The following EVL variants were observed in gnomAD, a reference collection of about 807,000 sequenced individuals.
The protein encoded by EVL is ena/VASP-like protein.
EVL carries 21 observed loss-of-function variants against 59.6 expected under a neutral mutation model. That is an observed-to-expected ratio of 0.35 (90% CI 0.25 to 0.51). EVL has a LOEUF of 0.51. Among genes scored for constraint, EVL ranks in the 20% least tolerant of loss-of-function variants. The pLI is 0.97. For synonymous variants in EVL, 198 were observed against 203.5 expected (o/e 0.97, Z 0.23); for missense variants, 462 against 546.6 (o/e 0.85, Z 1.54).
intron 3 of EVL, among the ~76,000 whole-genome samples, chr14:100,098,099 C>T (rs935402207): frequency 6.6e-6 from 1 of 152,158 alleles, no homozygotes; most frequent in African/African-American, 2.4e-5. Flanking sequence ...AAATGAACAG[C>T]GGCCTTCCCC....
Position 100,084,759 on chromosome 14 carries a change from C to G in EVL, c.84C>G (p.Ile28Met). ...YDDTSKKWVP[I>M]KPGQQGFSRI... ...ACACCAGTAAGAAATGGGTACCAAT[C>G]AAACCTGGCCAGCAGGGATTCAGCC... Residue 28 changes from isoleucine to methionine, a missense_variant, in exon 2 of 14, where the codon ATC becomes ATG. Physicochemically the swap from Ile to Met is conservative, Grantham distance 10. Coordinates refer to ENST00000392920, the MANE Select transcript of EVL (RefSeq NM_016337.3). 1 of 1,614,206 alleles carries G rather than the reference C, an allele frequency of 6.2e-7. No individual in the cohort carries two copies. The highest frequency in any genetic ancestry group is 8.5e-7 in the Non-Finnish European group (1 of 1,180,044).
At chr14:99,987,616 T>C (rs1187827694) in intron 1 of EVL, among the ~76,000 whole-genome samples, 1 of 152,202 alleles carries the variant, frequency 6.6e-6, no homozygotes, top group Non-Finnish European at 1.5e-5. Context: ...CACTCCAACC[T>C]GTGTGACAGG....
intron 1 of EVL, among the ~76,000 whole-genome samples, chr14:99,998,301 G>A (rs1026350962): frequency 3.3e-5 from 5 of 152,046 alleles, no homozygotes; most frequent in Non-Finnish European, 7.4e-5. Flanking sequence ...ACAGACATGA[G>A]CCCCTGCACT....
intron 1 of EVL, among the ~76,000 whole-genome samples, chr14:99,988,141 C>T (rs1442140301): frequency 1.3e-5 from 2 of 151,958 alleles, no homozygotes; most frequent in Non-Finnish European, 2.9e-5. Context: ...GTCCCAAACT[C>T]CCGACTTCAG....
chr14:100,142,589 C>T (rs1246062480), intron 13 of EVL, among the ~76,000 whole-genome samples: 1 of 152,216 alleles, frequency 6.6e-6, no homozygotes, highest in Non-Finnish European at 1.5e-5. Flanking sequence ...AAAAGGGTCC[C>T]ACAAGCGCAC....
At position 100,143,635 on chromosome 14, in the gene EVL, G is replaced by A. The variant is rs142980047; in HGVS notation, c.1220-66G>A. ...GGCAGGTCCACGCCAGGGGTGCGGG[G>A]CCCTGATGAGGAACCGGGCTGCACT... On this transcript the variant is annotated intron_variant, in intron 13 of 13. Coordinates refer to ENST00000392920, the MANE Select transcript of EVL (RefSeq NM_016337.3). The A allele has an allele frequency of 4.1e-3, 6,516 of 1,596,542 alleles. 142 individuals are homozygous for A. Among genetic ancestry groups the A allele is most frequent in the South Asian group, 0.033 (2,950 of 90,116 alleles).
At chr14:100,092,739 AAAACAAAC>A (rs549428145) in intron 2 of EVL, among the ~76,000 whole-genome samples, 2 of 152,196 alleles carry the variant, frequency 1.3e-5, no homozygotes, top group Non-Finnish European at 2.9e-5. Flanking sequence ...CCATCTCAAA[AAAACAAAC>A]AAACAAACAA....
rs1211618758 is a variant in EVL, at chr14:100,127,951, G to A, written c.488-568G>A. 1.3e-5 allele frequency among the ~76,000 whole-genome samples: 2 copies of A among 152,242 alleles called. No individual in the cohort carries two copies. Among genetic ancestry groups the A allele is most frequent in the East Asian group, 3.8e-4 (2 of 5,198 alleles). On this transcript the variant is annotated intron_variant, in intron 5 of 13. Coordinates refer to ENST00000392920, the MANE Select transcript of EVL (RefSeq NM_016337.3). This position sits in a 1 kb window ranked among gnomAD's most constrained non-coding sequence, Gnocchi z 4.2. ...TCCTCAGCACCATACCCAGCACCTA[G>A]CACAGTGCCTGGCACAAAACAGGCT... is the stretch of plus-strand genomic sequence containing the variant.
intron 3 of EVL, chr14:100,107,927 C>T (rs1191206259): frequency 6.6e-6 from 1 of 152,130 alleles, no homozygotes; most frequent in Non-Finnish European, 1.5e-5. Flanking sequence ...AAAGGAAAAC[C>T]CCATAGCTTA....
At chr14:100,073,428 C>T (rs957632756) in intron 1 of EVL, among the ~76,000 whole-genome samples, 3 of 150,632 alleles carry the variant, frequency 2.0e-5, no homozygotes, top group African/African-American at 4.9e-5. Flanking sequence ...CTCAAGGGAT[C>T]CTTCCACCTC....
intron 3 of EVL, among the ~76,000 whole-genome samples, chr14:100,099,179 C>CAAAAAAAAAA (rs57154685): frequency 1.4e-4 from 7 of 51,240 alleles, no homozygotes; most frequent in Non-Finnish European, 2.5e-4. Context: ...CCTGTCTCTA[C>CAAAAAAAAAA]AAAAAAAAAA....
chr14:100,035,165 A>G (rs564042953), intron 1 of EVL, among the ~76,000 whole-genome samples: 4 of 152,180 alleles, frequency 2.6e-5, no homozygotes, highest in South Asian at 2.1e-4. Context: ...TGGTTTTTGT[A>G]TTTTTGGAGT....
chr14:100,055,029 C>T (rs575807120), intron 1 of EVL, among the ~76,000 whole-genome samples: 1 of 151,970 alleles, frequency 6.6e-6, no homozygotes, highest in African/African-American at 2.4e-5. Context: ...GGTGAAACCC[C>T]GTCTCTACTG....
chr14:100,126,765 G>T lies in EVL; in HGVS notation c.481G>T (p.Ala161Ser). 6.2e-7 allele frequency: 1 copy of T among 1,613,886 alleles called. No homozygotes were observed. The highest frequency in any genetic ancestry group is 1.1e-5 in the South Asian group (1 of 91,080). The change falls in exon 5 of 14, where the codon GCC (alanine) becomes TCC (serine). Residue 161 changes from alanine (A) to serine (S), a missense_variant. By Grantham distance (99) the Ala-to-Ser change is moderately conservative. Transcript: ENST00000392920. ...RQESLERRTSATGPILPPGHP... is the reference protein window; with the variant it reads ...RQESLERRTSSTGPILPPGHP... Reference sequence around the variant, plus strand: ...GGAATCTCTAGAAAGAAGAACCTCGGCCACAGGTGAGAGCCCTCCTCCCCT... The same window carrying T: ...GGAATCTCTAGAAAGAAGAACCTCGTCCACAGGTGAGAGCCCTCCTCCCCT...
intron 1 of EVL, among the ~76,000 whole-genome samples, chr14:100,029,662 T>C (rs2061277027): frequency 6.6e-6 from 1 of 152,088 alleles, no homozygotes; most frequent in African/African-American, 2.4e-5. Flanking sequence ...GGAGGAAGCA[T>C]CTGTGGGAGT....
At chr14:99,973,445 GC>G (rs1160247761) in intron 1 of EVL, among the ~76,000 whole-genome samples, 6 of 152,148 alleles carry the variant, frequency 3.9e-5, no homozygotes, top group Non-Finnish European at 4.4e-5. Context: ...CAGATATCTT[GC>G]CCACATTTCT....
chr14:100,124,615 G>T (rs1887910462), intron 4 of EVL, among the ~76,000 whole-genome samples: 1 of 152,186 alleles, frequency 6.6e-6, no homozygotes, highest in Admixed American at 6.5e-5. Flanking sequence ...GCAGAACCTA[G>T]ACTGGCAGTC....
At chr14:100,142,182 C>G (rs1420615045) in intron 13 of EVL, 1 of 161,172 alleles carries the variant, frequency 6.2e-6, no homozygotes, top group African/African-American at 2.4e-5. Flanking sequence ...ACTGCCACCT[C>G]CAGTCACTGG....
intron 1 of EVL, among the ~76,000 whole-genome samples, chr14:100,014,202 C>T (rs1215400826): frequency 6.6e-6 from 1 of 152,064 alleles, no homozygotes; most frequent in Non-Finnish European, 1.5e-5. Flanking sequence ...CATGAACATC[C>T]CCAACCCTTC....
Sources: allele counts gnomAD v4.1 joint callset (sites outside exome capture counted in the v4.1 genomes callset), GRCh38; gene constraint gnomAD v4.1.1; non-coding constraint Gnocchi (gnomAD v3.1); transcripts MANE v1.5; gene names NCBI Gene and HGNC (gene_info 2026-07-23, HGNC 2026-07-21).